The following HLCS variants were observed in gnomAD, a reference collection of about 807,000 sequenced individuals.
HLCS encodes the protein holocarboxylase synthetase, also known as biotin--protein ligase.
HLCS carries 53 observed loss-of-function variants against 75.0 expected under a neutral mutation model. The ratio of observed to expected loss-of-function variants is 0.71; its 90% CI spans 0.57 to 0.89. HLCS has a LOEUF of 0.89. Ranked by LOEUF, HLCS falls within the 40% of genes least tolerant of loss-of-function variation. HLCS has a pLI of 0.00. For synonymous variants in HLCS, 431 were observed against 428.6 expected, an observed-to-expected ratio of 1.01 and a Z score of -0.07; for missense variants, 966 against 1,074.0, an observed-to-expected ratio of 0.90 and a Z score of 1.41.
chr21:36,816,803 T>A (rs1323234286), intron 6 of HLCS, among the ~76,000 whole-genome samples: 1 of 152,230 alleles, frequency 6.6e-6, no homozygotes, highest in African/African-American at 2.4e-5. Context: ...ACGAATCTAG[T>A]AAGTCCTCCC....
At chr21:36,950,694 C>A (rs2067632318) in intron 2 of HLCS, among the ~76,000 whole-genome samples, 1 of 152,040 alleles carries the variant, frequency 6.6e-6, no homozygotes, top group South Asian at 2.1e-4. Context: ...CCAGGCTGAC[C>A]AGGGCCAATC....
chr21:36,936,354 T>C (rs2066876639), intron 4 of HLCS, 95 bp downstream of exon 4: 15 of 1,128,074 alleles, frequency 1.3e-5, no homozygotes, highest in Non-Finnish European at 2.0e-5. Flanking sequence ...CACGAACTCC[T>C]GAAACTTTTA....
intron 6 of HLCS, among the ~76,000 whole-genome samples, chr21:36,870,663 TA>T (rs1182751829): frequency 6.6e-6 from 1 of 152,138 alleles, no homozygotes; most frequent in Non-Finnish European, 1.5e-5. Flanking sequence ...CTGGAAGTCT[TA>T]AAAGGGGGCT....
At chr21:36,903,896 CA>C (rs2146364164) in intron 5 of HLCS, among the ~76,000 whole-genome samples, 1 of 152,178 alleles carries the variant, frequency 6.6e-6, no homozygotes, top group East Asian at 1.9e-4. Context: ...TGAATGGGGT[CA>C]TCAGGGTAGG....
chr21:36,986,544 G>A (rs1601949168), intron 1 of HLCS, among the ~76,000 whole-genome samples: 3 of 152,196 alleles, frequency 2.0e-5, no homozygotes, highest in Admixed American at 2.0e-4. Context: ...TCAGCCTCCT[G>A]AGTAGCTGGG....
chr21:36,880,018 T>C (rs2146266398), intron 6 of HLCS, among the ~76,000 whole-genome samples: 1 of 152,190 alleles, frequency 6.6e-6, no homozygotes, highest in East Asian at 1.9e-4. Context: ...GCAGAGGGCA[T>C]TCAAGCCCTC....
At chr21:36,881,607 T>G (rs1333056087) in intron 6 of HLCS, among the ~76,000 whole-genome samples, 4 of 152,192 alleles carry the variant, frequency 2.6e-5, no homozygotes, top group Admixed American at 2.6e-4. Context: ...ACAGATCATA[T>G]GAAATCCCCA....
intron 2 of HLCS, 150 bp downstream of exon 2, chr21:36,961,886 G>T: frequency 2.7e-6 from 1 of 369,690 alleles, no homozygotes; most frequent in South Asian, 2.3e-5. Context: ...CCCAGGAGGC[G>T]GAGGTCCCAG....
At chr21:36,819,408 G>A (rs1454610346) in intron 6 of HLCS, among the ~76,000 whole-genome samples, 1 of 152,170 alleles carries the variant, frequency 6.6e-6, no homozygotes, top group Non-Finnish European at 1.5e-5. Flanking sequence ...TCTTCTGTAT[G>A]AATCGAATAT....
chr21:36,778,178 C>T (rs1012036478), intron 6 of HLCS, among the ~76,000 whole-genome samples: 3 of 152,044 alleles, frequency 2.0e-5, no homozygotes, highest in East Asian at 1.9e-4. Flanking sequence ...ACCATGTTAG[C>T]CAGGATGGTC....
chr21:36,897,023 C>T lies in HLCS; in HGVS notation c.1729G>A (p.Val577Ile). Residue 577 changes from valine to isoleucine, a missense_variant, in exon 6 of 11, where the codon GTA becomes ATA. Physicochemically the swap from Val to Ile is conservative, Grantham distance 29. Transcript: ENST00000674895. Reference protein sequence around the residue: ...LRFVSSYVSEVEITPSCIPVV... With the variant: ...LRFVSSYVSEIEITPSCIPVV... Reference sequence around the variant, plus strand: ...GGTATACAAGATGGGGTTATTTCTACTTCAGACACGTAGGATGAAACAAAT... The same window carrying T: ...GGTATACAAGATGGGGTTATTTCTATTTCAGACACGTAGGATGAAACAAAT... 1 of 1,614,200 alleles carries T rather than the reference C, an allele frequency of 6.2e-7. No homozygotes were observed. The highest frequency in any genetic ancestry group is 8.5e-7 in the Non-Finnish European group (1 of 1,180,038).
intron 6 of HLCS, among the ~76,000 whole-genome samples, chr21:36,894,744 TAA>T (rs942996941): frequency 2.0e-5 from 3 of 152,124 alleles, no homozygotes; most frequent in Non-Finnish European, 4.4e-5. Flanking sequence ...TTTGTAAAAG[TAA>T]AAACTCTTAA....
intron 4 of HLCS, among the ~76,000 whole-genome samples, chr21:36,934,435 C>T (rs2066787747): frequency 6.6e-6 from 1 of 152,168 alleles, no homozygotes; most frequent in African/African-American, 2.4e-5. Flanking sequence ...CTGCCATGTG[C>T]TAAGCTAAAC....
At chr21:36,951,006 T>C (rs573645952) in intron 2 of HLCS, among the ~76,000 whole-genome samples, 68 of 152,190 alleles carry the variant, frequency 4.5e-4, no homozygotes, top group Non-Finnish European at 8.2e-4. Context: ...TGTATGAACA[T>C]TGCATGGCCC....
intron 6 of HLCS, among the ~76,000 whole-genome samples, chr21:36,848,049 T>C (rs191156256): frequency 1.3e-5 from 2 of 152,348 alleles, no homozygotes. Flanking sequence ...GAACAGCTTC[T>C]ATTTTTCTGT....
upstream of HLCS, among the ~76,000 whole-genome samples, chr21:36,970,062 A>G (rs2068744733): frequency 6.6e-6 from 1 of 152,196 alleles, no homozygotes; most frequent in Non-Finnish European, 1.5e-5. Flanking sequence ...CCTGGGAATA[A>G]TAGTTTGGGG....
intron 6 of HLCS, among the ~76,000 whole-genome samples, chr21:36,869,094 TTTAATTTA>T (rs1054477817): frequency 1.9e-5 from 2 of 107,406 alleles, no homozygotes; most frequent in African/African-American, 5.1e-5. Flanking sequence ...GCAAAAGATG[TTTAATTTA>T]TTTATTTATT....
At chr21:36,831,507 C>T (rs551084292) in intron 6 of HLCS, among the ~76,000 whole-genome samples, 14 of 152,230 alleles carry the variant, frequency 9.2e-5, no homozygotes, top group African/African-American at 3.4e-4. Flanking sequence ...TGGTGAAACC[C>T]TGTCTCTACT....
upstream of HLCS, among the ~76,000 whole-genome samples, chr21:36,967,022 T>G (rs1348240470): frequency 9.1e-4 from 136 of 150,242 alleles, 5 homozygotes; most frequent in Non-Finnish European, 4.4e-5. Flanking sequence ...GTGGGATGGG[T>G]ATGTTGTGGA....
Sources: gnomAD v4.1 joint callset for allele counts (sites outside exome capture counted in the v4.1 genomes callset) on GRCh38, gnomAD v4.1.1 for gene constraint, MANE v1.5 for transcripts, NCBI Gene and HGNC (gene_info 2026-07-23, HGNC 2026-07-21) for gene names.